EZH2: variants seen among roughly 807,000 people sequenced by gnomAD.
The protein encoded by EZH2 is enhancer of zeste 2 polycomb repressive complex 2 subunit.
A neutral mutation model predicts 98.4 loss-of-function variants in EZH2; 18 were observed. The observed-to-expected ratio is 0.18, with a 90% CI of 0.13 to 0.27. EZH2 has a LOEUF of 0.27. EZH2 is among the 10% of genes least tolerant of loss of function. The pLI is 1.00. For missense variants in EZH2, 470 were observed against 935.1 expected (o/e 0.50, Z 6.49); for synonymous variants, 338 against 312.3 (o/e 1.08, Z -0.87).
intron 1 of EZH2, among the ~76,000 whole-genome samples, chr7:148,876,644 T>C (rs1291157860): frequency 1.3e-5 from 2 of 152,194 alleles, no homozygotes; most frequent in African/African-American, 4.8e-5. Context: ...ACAGATTGGT[T>C]TGCTGCGTAA....
intron 3 of EZH2, among the ~76,000 whole-genome samples, chr7:148,834,890 A>G (rs1810466689): frequency 6.6e-6 from 1 of 152,194 alleles, no homozygotes; most frequent in Non-Finnish European, 1.5e-5. Context: ...TCCTCATTAC[A>G]ACCTTATGGT....
chr7:148,874,371 G>A (rs986149235), intron 1 of EZH2, among the ~76,000 whole-genome samples: 6 of 151,880 alleles, frequency 4.0e-5, no homozygotes, highest in African/African-American at 1.5e-4. Context: ...CTGGGTGACA[G>A]AGCAAAACCC....
intron 13 of EZH2, among the ~76,000 whole-genome samples, 196 bp from the exon 14 acceptor site, chr7:148,815,235 G>A (rs1368363258): frequency 6.6e-6 from 1 of 152,154 alleles, no homozygotes; most frequent in Non-Finnish European, 1.5e-5. Flanking sequence ...GTGCTTATGA[G>A]TTCCATCTAA....
intron 1 of EZH2, among the ~76,000 whole-genome samples, chr7:148,880,139 A>C (rs537874125): frequency 6.6e-6 from 1 of 152,182 alleles, no homozygotes. Flanking sequence ...TCTAAACACA[A>C]ATTTGTCATA....
chr7:148,829,067 T>G (rs966691835), intron 5 of EZH2, among the ~76,000 whole-genome samples, 187 bp from the exon 6 acceptor site: 1 of 152,132 alleles, frequency 6.6e-6, no homozygotes, highest in African/African-American at 2.4e-5. Context: ...AGCAAACTTA[T>G]CTTTAATACC....
At chr7:148,873,755 T>G (rs1353732625) in intron 1 of EZH2, among the ~76,000 whole-genome samples, 1 of 151,792 alleles carries the variant, frequency 6.6e-6, no homozygotes, top group East Asian at 1.9e-4. Flanking sequence ...AAGTCCCAAA[T>G]CAACTTCACA....
At chr7:148,812,801 C>T (rs17171115) in intron 15 of EZH2, among the ~76,000 whole-genome samples, 4,970 of 152,064 alleles carry the variant, frequency 0.033, 270 homozygotes, top group African/African-American at 0.11. Context: ...ATATAACTGC[C>T]TAGAGTAAAA....
intron 1 of EZH2, among the ~76,000 whole-genome samples, chr7:148,861,380 C>A (rs970999356): frequency 6.6e-6 from 1 of 151,980 alleles, no homozygotes; most frequent in African/African-American, 2.4e-5. Context: ...GCACACACTA[C>A]CATGCCCAGC....
At position 148,815,022 on chromosome 7, in the gene EZH2, C is replaced by G; in HGVS notation, c.1564G>C (p.Val522Leu). The change falls in exon 14 of 20, where the codon GTT (valine) becomes CTT (leucine). Residue 522 changes from valine (V) to leucine (L), a missense_variant. Val to Leu is a conservative substitution (Grantham distance 32). Coordinates refer to ENST00000320356, the MANE Select transcript of EZH2 (RefSeq NM_004456.5). The part of the protein sequence containing the change: ...QLKKDGSSNH[V>L]YNYQPCDHPR... ...TGATCACAGGGTTGATAGTTGTAAA[C>G]ATGGTTAGAGGAGCCGTCTGAGTAA... 6.2e-7 allele frequency: 1 copy of G among 1,614,002 alleles called. No individual in the cohort carries two copies. The highest frequency in any genetic ancestry group is 8.5e-7 in the Non-Finnish European group (1 of 1,179,966).
intron 3 of EZH2, among the ~76,000 whole-genome samples, chr7:148,843,108 T>C (rs946142447): frequency 6.6e-5 from 10 of 150,516 alleles, no homozygotes; most frequent in Non-Finnish European, 2.9e-5. Context: ...CTCAGGAGGC[T>C]GAGGCAGGAT....
At chr7:148,826,848 T>A (rs1585005812) in intron 7 of EZH2, among the ~76,000 whole-genome samples, 2 of 152,308 alleles carry the variant, frequency 1.3e-5, no homozygotes, top group Middle Eastern at 6.8e-3. Flanking sequence ...TGGAAAAGGA[T>A]ATTATATTAG....
At chr7:148,866,595 A>G (rs991187847) in intron 1 of EZH2, among the ~76,000 whole-genome samples, 4 of 114,508 alleles carry the variant, frequency 3.5e-5, no homozygotes, top group South Asian at 5.5e-4. Context: ...TATTGTATAC[A>G]CTATATATTA....
chr7:148,827,986 C>T (rs923372167), intron 6 of EZH2, among the ~76,000 whole-genome samples: 2 of 152,200 alleles, frequency 1.3e-5, no homozygotes, highest in Admixed American at 6.5e-5. Flanking sequence ...GGTGTGGTGG[C>T]AGGTGCCTAT....
intron 1 of EZH2, among the ~76,000 whole-genome samples, chr7:148,873,823 A>T (rs898745411): frequency 6.8e-6 from 1 of 147,804 alleles, no homozygotes; most frequent in African/African-American, 2.5e-5. Context: ...TGCCCTACAG[A>T]TTAATAAAAA....
chr7:148,839,203 G>A (rs1811776239), intron 3 of EZH2, among the ~76,000 whole-genome samples: 1 of 152,156 alleles, frequency 6.6e-6, no homozygotes, highest in Admixed American at 6.5e-5. Context: ...CACCAACCAA[G>A]AAGGCTGATT....
At chr7:148,850,160 C>T (rs894500236) in intron 1 of EZH2, among the ~76,000 whole-genome samples, 1 of 151,826 alleles carries the variant, frequency 6.6e-6, no homozygotes, top group Non-Finnish European at 1.5e-5. Flanking sequence ...GTGGGACTAC[C>T]GGTGCCCGCC....
intron 8 of EZH2, among the ~76,000 whole-genome samples, chr7:148,822,272 G>C (rs1207085465): frequency 1.3e-5 from 2 of 151,838 alleles, no homozygotes; most frequent in Non-Finnish European, 2.9e-5. Flanking sequence ...CACTTTCAGA[G>C]GCTGAGGCGG....
Position 148,809,205 on chromosome 7 carries a change from G to A in EZH2, c.2111-50C>T, listed in dbSNP as rs765859601. The A allele has an allele frequency of 6.9e-6, 11 of 1,589,312 alleles. No homozygotes were observed. The African/African-American group carries it at 1.2e-4, about 17-fold the overall frequency. On this transcript the variant is annotated intron_variant, in intron 18 of 19. Coordinates refer to ENST00000320356, the MANE Select transcript of EZH2 (RefSeq NM_004456.5). Reference sequence around the variant, plus strand: ...GTGAGCATGAAGACGGGCCACGGGGGGTTAACTGACTTGTTCACATAACAA... The same window carrying A: ...GTGAGCATGAAGACGGGCCACGGGGAGTTAACTGACTTGTTCACATAACAA...
At chr7:148,854,427 C>T (rs1439050324) in intron 1 of EZH2, among the ~76,000 whole-genome samples, 8 of 144,264 alleles carry the variant, frequency 5.5e-5, no homozygotes, top group Non-Finnish European at 1.2e-4. Context: ...CACAGTGAGA[C>T]TCCGTCTCAA....
Sources: gnomAD v4.1 joint callset for allele counts (sites outside exome capture counted in the v4.1 genomes callset) on GRCh38, gnomAD v4.1.1 for gene constraint, MANE v1.5 for transcripts, NCBI Gene and HGNC (gene_info 2026-07-23, HGNC 2026-07-21) for gene names.